Variants in MPPED1 observed in about 807,000 individuals in gnomAD.
MPPED1 encodes the protein metallophosphoesterase domain-containing protein 1.
MPPED1 carries 16 observed loss-of-function variants against 36.2 expected under a neutral mutation model. The ratio of observed to expected loss-of-function variants is 0.44; its 90% confidence interval spans 0.30 to 0.67. The LOEUF (loss-of-function observed/expected upper bound fraction) is 0.67, where lower values mean the gene tolerates loss of function less well. MPPED1 is among the 30% of genes least tolerant of loss of function. The pLI is 0.10. For synonymous variants in MPPED1, 199 were observed against 191.3 expected (o/e 1.04, Z -0.33); for missense variants, 307 against 453.4 (o/e 0.68, Z 2.93).
chr22:43,443,917 G>A (rs11913328), intron 3 of MPPED1, among the ~76,000 whole-genome samples: 4,105 of 152,210 alleles, frequency 0.027, 179 homozygotes, highest in African/African-American at 0.094. Context: ...TTTTGGTTGC[G>A]TACGCACATG....
intron 3 of MPPED1, among the ~76,000 whole-genome samples, chr22:43,461,814 T>C (rs1930966757): frequency 6.6e-6 from 1 of 152,234 alleles, no homozygotes; most frequent in Non-Finnish European, 1.5e-5. Context: ...TTCCCGCTTC[T>C]TCGCTGATCA....
chr22:43,465,400 G>T (rs1931130379), intron 3 of MPPED1, among the ~76,000 whole-genome samples: 1 of 152,266 alleles, frequency 6.6e-6, no homozygotes. Context: ...GACCTTGGTT[G>T]AATCATGTGA....
At chr22:43,481,164 C>G (rs946382799) in intron 4 of MPPED1, among the ~76,000 whole-genome samples, 8 of 152,162 alleles carry the variant, frequency 5.3e-5, no homozygotes, top group Non-Finnish European at 8.8e-5. Context: ...TGTTTTGCCT[C>G]TTATGTTCAG....
Position 43,418,292 on chromosome 22 carries a change from G to A in MPPED1, c.-79+6134G>A, listed in dbSNP as rs1055905919. On this transcript the variant is annotated intron_variant, in intron 1 of 6. Coordinates refer to ENST00000443721, the MANE Select transcript of MPPED1 (RefSeq NM_001044370.2). ...CCTGCGCTGAGTTTGAGAGGCCTGT[G>A]TTGGCTGGAAGTGATGCTTCAAGTC... 1.2e-4 allele frequency: 45 copies of A among 378,318 alleles called. 1 individual carries two copies. Among genetic ancestry groups the A allele is most frequent in the Non-Finnish European group, 2.3e-4 (43 of 188,834 alleles). 23.4% of individuals were successfully genotyped at this position (378,318 alleles called of 1,614,324 possible).
At chr22:43,500,626 G>C (rs970717824) in intron 5 of MPPED1, among the ~76,000 whole-genome samples, 1 of 151,878 alleles carries the variant, frequency 6.6e-6, no homozygotes, top group South Asian at 2.1e-4. Flanking sequence ...GCCCATATCA[G>C]TGTCTTGCTC....
chr22:43,498,028 A>C (rs1932488268), intron 4 of MPPED1, among the ~76,000 whole-genome samples: 1 of 150,684 alleles, frequency 6.6e-6, no homozygotes, highest in South Asian at 2.1e-4. Context: ...AGAAGGAGAG[A>C]GGAAAGAGAA....
At chr22:43,450,164 A>G (rs1930513060) in intron 3 of MPPED1, among the ~76,000 whole-genome samples, 1 of 151,966 alleles carries the variant, frequency 6.6e-6, no homozygotes. Context: ...AGCCTTCCCC[A>G]TTGCAGGGCT....
Position 43,481,745 on chromosome 22 carries a change from C to T in MPPED1, c.632+6784C>T, listed in dbSNP as rs527763953. ...CCCCCTGCTGGCTTGCCATGTCGCC[C>T]CCTTGATACCATCCCCTTCACCCTC... On this transcript the variant is annotated intron_variant, in intron 4 of 6. Coordinates refer to ENST00000443721, the MANE Select transcript of MPPED1 (RefSeq NM_001044370.2). Among the ~76,000 whole-genome samples the T allele has an allele frequency of 3.3e-4, 51 of 152,254 alleles. No individual in the cohort carries two copies. The East Asian group carries it at 7.5e-3, about 22-fold the overall frequency.
At chr22:43,450,605 T>C (rs1243233015) in intron 3 of MPPED1, among the ~76,000 whole-genome samples, 4 of 152,206 alleles carry the variant, frequency 2.6e-5, no homozygotes, top group South Asian at 2.1e-4. Context: ...GGGCTCATCA[T>C]AGGGCCTGGC....
chr22:43,449,354 A>G (rs961630638), intron 3 of MPPED1, among the ~76,000 whole-genome samples: 1 of 152,030 alleles, frequency 6.6e-6, no homozygotes, highest in African/African-American at 2.4e-5. Context: ...GAGGTCACGC[A>G]GGTCTCCAGG....
chr22:43,445,789 C>G lies in MPPED1; in HGVS notation c.406+10574C>G, dbSNP rs186768753. ...TTTACCATTTTGCCCAGGCTGGTCT[C>G]GAACTCCTGGGCTCAGGCAATCTGC... On this transcript the variant is annotated intron_variant, in intron 3 of 6. Coordinates refer to ENST00000443721, the MANE Select transcript of MPPED1 (RefSeq NM_001044370.2). Among the ~76,000 whole-genome samples, 13 of 151,402 alleles carry G rather than the reference C, an allele frequency of 8.6e-5. No individual in the cohort carries two copies. The East Asian group carries it at 2.5e-3, about 29-fold the overall frequency.
At chr22:43,500,140 AGGTGGTGGGGGTGGTGGT>A (rs1932630299) in intron 5 of MPPED1, among the ~76,000 whole-genome samples, 2 of 32,104 alleles carry the variant, frequency 6.2e-5, no homozygotes, top group Non-Finnish European at 1.4e-4. Flanking sequence ...GTGGTAATGG[AGGTGGTGGGGGTGGTGGT>A]GGTGATGGTG....
intron 3 of MPPED1, among the ~76,000 whole-genome samples, chr22:43,464,072 CTAA>C: frequency 6.6e-6 from 1 of 151,922 alleles, no homozygotes; most frequent in African/African-American, 2.4e-5. Context: ...CCACTCCCAG[CTAA>C]TTTTTGTATT....
At position 43,502,866 on chromosome 22, in the gene MPPED1, A is replaced by T; in HGVS notation, c.862+109A>T. The T allele has an allele frequency of 1.1e-6, 1 of 912,722 alleles. No individual in the cohort carries two copies. The highest frequency in any genetic ancestry group is 1.8e-6 in the Non-Finnish European group (1 of 564,186). The allele number at this position is 912,722 out of a possible 1,614,324, so 56.5% of individuals were successfully genotyped here. ...GAAGGGAAATAAATAGCCCATTCCTACTGTTCGCTTTGTAACTGCTAACTG... is the reference window on the plus strand; with the variant it reads ...GAAGGGAAATAAATAGCCCATTCCTTCTGTTCGCTTTGTAACTGCTAACTG... On this transcript the variant is annotated intron_variant, in intron 6 of 6. Transcript: ENST00000443721. The surrounding 1 kb of genome is among the most constrained non-coding windows in gnomAD (Gnocchi z 5.5).
At chr22:43,457,710 A>ATT (rs546211064) in intron 3 of MPPED1, among the ~76,000 whole-genome samples, 1 of 152,004 alleles carries the variant, frequency 6.6e-6, no homozygotes, top group Non-Finnish European at 1.5e-5. Context: ...TTATAATTAA[A>ATT]TTTTTTTTAC....
At chr22:43,415,503 ATC>A (rs10561634) in intron 1 of MPPED1, among the ~76,000 whole-genome samples, 32,708 of 152,014 alleles carry the variant, frequency 0.22, 4,796 homozygotes, top group East Asian at 0.61. Context: ...TCATAAAAAA[ATC>A]ATAACAAATT....
chr22:43,505,721 G>C lies in MPPED1; in HGVS notation c.*105G>C, dbSNP rs955337615. ...TTGCCTGGACGACCCATCTGGCTGC[G>C]GGGACTGGCCTAGCAGGCAGGTCAG... On this transcript the variant is annotated 3_prime_UTR_variant, in exon 7 of 7. Transcript: ENST00000443721. 2.0e-6 allele frequency: 2 copies of C among 1,016,096 alleles called. No homozygotes were observed. Among genetic ancestry groups the C allele is most frequent in the African/African-American group, 3.2e-5 (2 of 63,086 alleles). The allele number at this position is 1,016,096 out of a possible 1,614,324, so 62.9% of individuals were successfully genotyped here.
In MPPED1 at chr22:43,506,242, C is replaced by G. The variant is rs1337268643; in HGVS notation, c.*626C>G. ...CCATAGGCATTTTTGTTTACTTGAACAATGACCTGAGTGTCCTAGGCATTC... is the reference window on the plus strand; with the variant it reads ...CCATAGGCATTTTTGTTTACTTGAAGAATGACCTGAGTGTCCTAGGCATTC... On this transcript the variant is annotated 3_prime_UTR_variant, in exon 7 of 7. Transcript: ENST00000443721. 6.5e-6 allele frequency: 1 copy of G among 152,720 alleles called. No homozygotes were observed. The highest frequency in any genetic ancestry group is 6.5e-5 in the Admixed American group (1 of 15,292). The allele number at this position is 152,720 out of a possible 1,614,324, so 9.5% of individuals were successfully genotyped here.
At chr22:43,499,229 C>A (rs1932535408) in intron 5 of MPPED1, among the ~76,000 whole-genome samples, 1 of 113,486 alleles carries the variant, frequency 8.8e-6, no homozygotes, top group Admixed American at 8.6e-5. Context: ...GAGGTAGTGG[C>A]AGTGGGGATG....
Sources: gnomAD v4.1 joint callset for allele counts (sites outside exome capture counted in the v4.1 genomes callset) on GRCh38, gnomAD v4.1.1 for gene constraint, Gnocchi (gnomAD v3.1) non-coding constraint, MANE v1.5 for transcripts, NCBI Gene and HGNC (gene_info 2026-07-23, HGNC 2026-07-21) for gene names.